The following DIP2C variants were observed in gnomAD, a reference collection of about 807,000 sequenced individuals.
DIP2C encodes the protein disco-interacting protein 2 homolog C.
A neutral mutation model predicts 192.4 loss-of-function variants in DIP2C; 33 were observed. The observed-to-expected ratio is 0.17, with a 90% CI of 0.13 to 0.23. The LOEUF is 0.23. Ranked by LOEUF, DIP2C falls within the 10% of genes least tolerant of loss-of-function variation. The probability of loss-of-function intolerance (pLI) is 1.00; values close to 1 mark genes in which losing one functional copy is unlikely to be tolerated. For missense variants in DIP2C, 1,537 were observed against 2,110.1 expected, an observed-to-expected ratio of 0.73 and a Z score of 5.32; for synonymous variants, 979 against 864.1, an observed-to-expected ratio of 1.13 and a Z score of -2.33.
rs1452604155 is a variant in DIP2C, at chr10:572,783, A to C, written c.86-86253T>G. ...GATCCACAAGCCAGCTTTAATAAAC[A>C]CGTTGGTGCAGGTGAGAAAATGACC... is the stretch of plus-strand genomic sequence containing the variant. On this transcript the variant is annotated intron_variant, in intron 1 of 36. Transcript: ENST00000280886. Among the ~76,000 whole-genome samples, 5 of 152,210 alleles carry C rather than the reference A, an allele frequency of 3.3e-5. 1 individual carries two copies. Among genetic ancestry groups the C allele is most frequent in the African/African-American group, 1.2e-4 (5 of 41,452 alleles).
chr10:531,675 A>C (rs891969193), intron 1 of DIP2C, among the ~76,000 whole-genome samples: 4 of 152,084 alleles, frequency 2.6e-5, no homozygotes, highest in African/African-American at 9.7e-5. Flanking sequence ...TGTGTAAGGA[A>C]TTCTTGGCCT....
intron 3 of DIP2C, among the ~76,000 whole-genome samples, chr10:469,985 G>A (rs1970498661): frequency 6.6e-6 from 1 of 152,162 alleles, no homozygotes; most frequent in South Asian, 2.1e-4. Flanking sequence ...TCTTATGGAA[G>A]AAAGTGAGAG....
At chr10:511,473 T>C (rs550456437) in intron 1 of DIP2C, among the ~76,000 whole-genome samples, 1 of 152,354 alleles carries the variant, frequency 6.6e-6, no homozygotes, top group East Asian at 1.9e-4. Context: ...TAGTGCCTTA[T>C]CCTTCAATGC....
chr10:625,198 G>A (rs1854120675), intron 1 of DIP2C, among the ~76,000 whole-genome samples: 1 of 152,164 alleles, frequency 6.6e-6, no homozygotes, highest in Non-Finnish European at 1.5e-5. Context: ...TGTCCCAAGA[G>A]GCAACAAGCC....
intron 1 of DIP2C, among the ~76,000 whole-genome samples, chr10:535,505 A>AC (rs1347930688): frequency 2.0e-5 from 3 of 151,852 alleles, no homozygotes; most frequent in African/African-American, 4.8e-5. Context: ...ATGCCTTTGT[A>AC]CCCATTCTGT....
intron 32 of DIP2C, among the ~76,000 whole-genome samples, chr10:298,031 G>A (rs61837286): frequency 1.1e-4 from 16 of 152,270 alleles, no homozygotes; most frequent in South Asian, 4.1e-4. Flanking sequence ...CTCAGAATGC[G>A]CACATATCCA....
At chr10:576,577 A>G (rs1025067980) in intron 1 of DIP2C, among the ~76,000 whole-genome samples, 25 of 152,194 alleles carry the variant, frequency 1.6e-4, no homozygotes, top group Non-Finnish European at 2.6e-4. Flanking sequence ...ATTTAATACA[A>G]CCAGGTGCTA....
intron 1 of DIP2C, among the ~76,000 whole-genome samples, chr10:594,412 G>A (rs376511676): frequency 6.6e-6 from 1 of 151,780 alleles, no homozygotes; most frequent in African/African-American, 2.4e-5. Context: ...TCAACATAAG[G>A]GAACATGGCC....
rs568476402 is a variant in DIP2C at position 498,064 on chromosome 10, T to C, written c.86-11534A>G. On this transcript the variant is annotated intron_variant, in intron 1 of 36. Coordinates refer to ENST00000280886, the MANE Select transcript of DIP2C (RefSeq NM_014974.3). ...CAGTGTATTTTTTGTAGAGATGGGG[T>C]CTTGCTGTGTTGCCCAGGCTGGCCT... Among the ~76,000 whole-genome samples the C allele has an allele frequency of 2.6e-5, 4 of 152,180 alleles. No homozygotes were observed. The East Asian group carries it at 7.7e-4, about 29-fold the overall frequency.
At chr10:437,041 T>A (rs1967304998) in intron 4 of DIP2C, among the ~76,000 whole-genome samples, 1 of 137,968 alleles carries the variant, frequency 7.2e-6, no homozygotes, top group Non-Finnish European at 1.5e-5. Context: ...CTCCGCCTCC[T>A]GGACATGGTA....
chr10:406,848 C>T (rs1163969352), intron 9 of DIP2C, among the ~76,000 whole-genome samples: 1 of 152,094 alleles, frequency 6.6e-6, no homozygotes, highest in African/African-American at 2.4e-5. Flanking sequence ...TGGAGGTATT[C>T]TGCAGACCCT....
At chr10:515,333 T>C (rs911357231) in intron 1 of DIP2C, among the ~76,000 whole-genome samples, 7 of 152,206 alleles carry the variant, frequency 4.6e-5, no homozygotes, top group African/African-American at 1.2e-4. Context: ...TGCATAGTTA[T>C]TTACCTAGCT....
chr10:598,648 T>C (rs1054103760), intron 1 of DIP2C, among the ~76,000 whole-genome samples: 2 of 152,134 alleles, frequency 1.3e-5, no homozygotes, highest in Non-Finnish European at 2.9e-5. Flanking sequence ...ATGAAGTCAT[T>C]CATTCCCCAA....
chr10:499,831 A>C (rs1301402575), intron 1 of DIP2C, among the ~76,000 whole-genome samples: 1 of 152,228 alleles, frequency 6.6e-6, no homozygotes, highest in Non-Finnish European at 1.5e-5. Flanking sequence ...GGAACTCTGA[A>C]ATGTCTAGTT....
At chr10:645,830 G>A (rs1855419943) in intron 1 of DIP2C, among the ~76,000 whole-genome samples, 1 of 152,102 alleles carries the variant, frequency 6.6e-6, no homozygotes, top group African/African-American at 2.4e-5. Flanking sequence ...TGTAATAATA[G>A]AGCAAACACA....
chr10:472,490 G>A lies in DIP2C; in HGVS notation c.217C>T (p.Arg73Cys), dbSNP rs772099485. The change falls in exon 3 of 37, where the codon CGC (arginine) becomes TGC (cysteine). Residue 73 changes from arginine to cysteine, a missense_variant. Coordinates refer to ENST00000280886, the MANE Select transcript of DIP2C (RefSeq NM_014974.3). ...RAPVTPSSAS[R>C]YHRRRSSGSR... is the part of the protein sequence containing the mutation. ...CCTGAAGACCGTCGGCGGTGGTAGC[G>A]AGAGGCGGAGGAAGGAGTGACAGGA... 23 of 1,614,058 alleles carry A rather than the reference G, an allele frequency of 1.4e-5. No individual in the cohort carries two copies. The highest frequency in any genetic ancestry group is 1.8e-5 in the Non-Finnish European group (21 of 1,180,042).
intron 4 of DIP2C, among the ~76,000 whole-genome samples, 176 bp downstream of exon 4, chr10:440,695 A>T (rs1967654499): frequency 6.6e-6 from 1 of 152,230 alleles, no homozygotes; most frequent in Non-Finnish European, 1.5e-5. Flanking sequence ...GATACATAAT[A>T]ATGTTACTTT....
chr10:641,958 G>C (rs1010200037), intron 1 of DIP2C, among the ~76,000 whole-genome samples: 2 of 152,154 alleles, frequency 1.3e-5, no homozygotes, highest in East Asian at 1.9e-4. Flanking sequence ...AGGAGGCAGA[G>C]GTTGCAGGGA....
intron 1 of DIP2C, among the ~76,000 whole-genome samples, chr10:537,290 A>G (rs1301726145): frequency 1.3e-5 from 2 of 152,200 alleles, no homozygotes; most frequent in Non-Finnish European, 2.9e-5. Flanking sequence ...GACCTGGACC[A>G]GAATCTCTGT....
Sources: gnomAD v4.1 joint callset for allele counts (sites outside exome capture counted in the v4.1 genomes callset) on GRCh38, gnomAD v4.1.1 for gene constraint, MANE v1.5 for transcripts, NCBI Gene and HGNC (gene_info 2026-07-23, HGNC 2026-07-21) for gene names.